Variants in MYO1D observed in about 807,000 individuals in gnomAD.
MYO1D encodes the protein myosin ID, also known as unconventional myosin-Id.
MYO1D carries 83 observed loss-of-function variants against 122.0 expected under a neutral mutation model. That is an observed-to-expected ratio of 0.68 (90% confidence interval 0.57 to 0.82). The LOEUF (loss-of-function observed/expected upper bound fraction) is 0.82. Ranked by LOEUF, MYO1D falls within the 40% of genes least tolerant of loss-of-function variation. MYO1D has a pLI of 0.00. For synonymous variants in MYO1D, 464 were observed against 446.9 expected (o/e 1.04, Z -0.48); for missense variants, 1,157 against 1,269.5 (o/e 0.91, Z 1.35).
chr17:32,756,520 T>C (rs1042331796), intron 10 of MYO1D, among the ~76,000 whole-genome samples: 1 of 151,942 alleles, frequency 6.6e-6, no homozygotes, highest in Non-Finnish European at 1.5e-5. Context: ...CCATTTGTCA[T>C]TGTGTTTGTT....
intron 21 of MYO1D, among the ~76,000 whole-genome samples, chr17:32,546,814 C>T (rs1437425322): frequency 1.3e-5 from 2 of 152,114 alleles, no homozygotes; most frequent in Admixed American, 6.5e-5. Context: ...TTCAGAGGTG[C>T]ACCTCAAAGT....
At chr17:32,781,272 T>G (rs1367359372) in intron 1 of MYO1D, among the ~76,000 whole-genome samples, 1 of 152,176 alleles carries the variant, frequency 6.6e-6, no homozygotes, top group East Asian at 1.9e-4. Context: ...ACAGAGAGAA[T>G]GGTGGAGGAG....
intron 1 of MYO1D, among the ~76,000 whole-genome samples, chr17:32,865,463 A>C (rs1454350546): frequency 6.6e-6 from 1 of 152,244 alleles, no homozygotes; most frequent in Non-Finnish European, 1.5e-5. Context: ...AAGACTTAAC[A>C]ATATAACTGT....
intron 1 of MYO1D, among the ~76,000 whole-genome samples, chr17:32,853,000 T>C (rs2091001899): frequency 6.6e-6 from 1 of 152,218 alleles, no homozygotes; most frequent in South Asian, 2.1e-4. Flanking sequence ...AGTACTTCCA[T>C]CTGGCTACTA....
Position 32,524,968 on chromosome 17 carries a change from G to A in MYO1D, c.2865-30053C>T, listed in dbSNP as rs188155754. 1.2e-4 allele frequency among the ~76,000 whole-genome samples: 19 copies of A among 152,304 alleles called. 1 individual carries two copies. The highest frequency in any genetic ancestry group is 1.0e-3 in the Admixed American group (16 of 15,302). ...TCCTCCTGCACTGGCCTCCCAAAGT[G>A]CTAGGATTATAGGCATGAGCCACCA... On this transcript the variant is annotated intron_variant, in intron 21 of 21. Transcript: ENST00000318217.
chr17:32,849,109 T>A (rs935617112), intron 1 of MYO1D, among the ~76,000 whole-genome samples: 3 of 151,854 alleles, frequency 2.0e-5, no homozygotes, highest in Non-Finnish European at 2.9e-5. Context: ...TCAAAACCAC[T>A]ATGAGATATC....
chr17:32,494,664 C>A lies in MYO1D; in HGVS notation c.*95G>T. 3 of 1,389,522 alleles carry A rather than the reference C, an allele frequency of 2.2e-6. No individual in the cohort carries two copies. The highest frequency in any genetic ancestry group is 2.9e-6 in the Non-Finnish European group (3 of 1,047,830). The allele number at this position is 1,389,522 out of a possible 1,614,324, so 86.1% of individuals were successfully genotyped here. A position where few individuals can be genotyped will look rare whatever the true frequency, so the allele number is the denominator to read the frequency against. On this transcript the variant is annotated 3_prime_UTR_variant, in exon 22 of 22. Coordinates refer to ENST00000318217, the MANE Select transcript of MYO1D (RefSeq NM_015194.3). ...GCTCCTCTGGGAGGGGCCCTCGCAG[C>A]AGGTTTCTAGCGGGCATGGGTTGGG...
intron 20 of MYO1D, among the ~76,000 whole-genome samples, chr17:32,622,402 C>A (rs1441953619): frequency 1.3e-5 from 2 of 152,072 alleles, no homozygotes; most frequent in African/African-American, 4.8e-5. Context: ...ACAAGAGAGT[C>A]CCCGACCCTT....
intron 2 of MYO1D, among the ~76,000 whole-genome samples, chr17:32,779,005 A>T (rs2090208499): frequency 6.6e-6 from 1 of 152,172 alleles, no homozygotes; most frequent in Admixed American, 6.5e-5. Context: ...GGACAAAATA[A>T]TTCGTCTAAA....
chr17:32,828,649 A>AGAGG (rs1347069475), intron 1 of MYO1D, among the ~76,000 whole-genome samples: 1 of 152,084 alleles, frequency 6.6e-6, no homozygotes, highest in African/African-American at 2.4e-5. Context: ...CTACATGCAG[A>AGAGG]GAGGGAGGGA....
intron 1 of MYO1D, among the ~76,000 whole-genome samples, chr17:32,866,937 A>G (rs1039847151): frequency 2.6e-5 from 4 of 152,178 alleles, no homozygotes; most frequent in Non-Finnish European, 5.9e-5. Context: ...ACCTACTCCC[A>G]ATGCCATTTT....
chr17:32,603,589 G>A (rs2087588543), intron 21 of MYO1D, among the ~76,000 whole-genome samples: 2 of 148,324 alleles, frequency 1.3e-5, no homozygotes, highest in South Asian at 4.3e-4. Context: ...GAAGTGGCGG[G>A]ATCTTGGCTC....
intron 6 of MYO1D, among the ~76,000 whole-genome samples, chr17:32,769,873 G>GT (rs2090096337): frequency 6.6e-6 from 1 of 151,968 alleles, no homozygotes; most frequent in Non-Finnish European, 1.5e-5. Flanking sequence ...TAGAAAAAAG[G>GT]CTATTAATTT....
chr17:32,622,794 C>T (rs915603342), intron 20 of MYO1D, among the ~76,000 whole-genome samples: 6 of 152,174 alleles, frequency 3.9e-5, no homozygotes, highest in African/African-American at 1.2e-4. Context: ...GTGATAAGAA[C>T]GATGCTGAGG....
chr17:32,704,542 C>A (rs2089283657), intron 16 of MYO1D, among the ~76,000 whole-genome samples: 1 of 152,194 alleles, frequency 6.6e-6, no homozygotes, highest in African/African-American at 2.4e-5. Flanking sequence ...TTTAAACCAA[C>A]AATTTCGTGT....
intron 14 of MYO1D, among the ~76,000 whole-genome samples, chr17:32,722,773 C>G (rs759058391): frequency 1.3e-5 from 2 of 152,158 alleles, no homozygotes; most frequent in African/African-American, 4.8e-5. Context: ...TATCTACCAG[C>G]CTTTGTTCCT....
intron 1 of MYO1D, among the ~76,000 whole-genome samples, chr17:32,854,860 G>A (rs571136717): frequency 2.1e-4 from 32 of 152,338 alleles, no homozygotes; most frequent in Admixed American, 5.9e-4. Flanking sequence ...TTCCTGGAAT[G>A]AGGGAACTGG....
At chr17:32,756,528 G>A (rs1386854137) in intron 10 of MYO1D, among the ~76,000 whole-genome samples, 1 of 148,484 alleles carries the variant, frequency 6.7e-6, no homozygotes, top group African/African-American at 2.5e-5. Flanking sequence ...CATTGTGTTT[G>A]TTAACAACCC....
chr17:32,691,260 A>G (rs985367317), intron 16 of MYO1D, among the ~76,000 whole-genome samples: 2 of 50,538 alleles, frequency 4.0e-5, no homozygotes, highest in African/African-American at 1.1e-4. Flanking sequence ...ACACTGCCTC[A>G]AAAAAAAAAA....
Sources: allele counts gnomAD v4.1 joint callset (sites outside exome capture counted in the v4.1 genomes callset), GRCh38; gene constraint gnomAD v4.1.1; transcripts MANE v1.5; gene names NCBI Gene and HGNC (gene_info 2026-07-23, HGNC 2026-07-21).